CADPS: variants seen among roughly 807,000 people sequenced by gnomAD.
CADPS encodes calcium-dependent secretion activator 1.
A neutral mutation model predicts 167.3 loss-of-function variants in CADPS; 57 were observed. That is an observed-to-expected ratio of 0.34 (90% CI 0.28 to 0.42). CADPS has a LOEUF of 0.42. Ranked by LOEUF, CADPS falls within the 20% of genes least tolerant of loss-of-function variation. CADPS has a pLI of 1.00. For synonymous variants in CADPS, 676 were observed against 635.3 expected, an observed-to-expected ratio of 1.06 and a Z score of -0.96; for missense variants, 1,414 against 1,738.1, an observed-to-expected ratio of 0.81 and a Z score of 3.32.
At chr3:62,506,414 G>A (rs1277405211) in intron 17 of CADPS, among the ~76,000 whole-genome samples, 2 of 151,972 alleles carry the variant, frequency 1.3e-5, no homozygotes, top group Non-Finnish European at 2.9e-5. Flanking sequence ...AACTATTTAA[G>A]ACAATTAAAA....
chr3:62,620,361 C>T (rs926011545), intron 6 of CADPS, among the ~76,000 whole-genome samples: 4 of 152,124 alleles, frequency 2.6e-5, no homozygotes, highest in Non-Finnish European at 5.9e-5. Context: ...AGTTTTTACT[C>T]CCATCTTACA....
At chr3:62,705,709 G>C (rs190484519) in intron 3 of CADPS, among the ~76,000 whole-genome samples, 2 of 152,260 alleles carry the variant, frequency 1.3e-5, no homozygotes, top group Admixed American at 6.5e-5. Context: ...TTGGGACTCA[G>C]ACTGGCTTCC....
At chr3:62,622,250 G>C (rs549520221) in intron 6 of CADPS, among the ~76,000 whole-genome samples, 3 of 152,266 alleles carry the variant, frequency 2.0e-5, no homozygotes, top group African/African-American at 7.2e-5. Flanking sequence ...GGAGTTCAAT[G>C]TCTCTGACTT....
At chr3:62,434,388 C>T (rs917708283) in intron 28 of CADPS, among the ~76,000 whole-genome samples, 3 of 151,792 alleles carry the variant, frequency 2.0e-5, no homozygotes, top group East Asian at 1.9e-4. Context: ...TTCTTAGGTG[C>T]GTTATCAAAA....
rs776799903 is a variant in CADPS, at chr3:62,645,828, C to T, written c.1219G>A (p.Val407Ile). 2 of 1,613,942 alleles carry T rather than the reference C, an allele frequency of 1.2e-6. No homozygotes were observed. Among genetic ancestry groups the T allele is most frequent in the Admixed American group, 1.7e-5 (1 of 59,996 alleles). ...GGAGCCAAAGATTTGAGGCCTTGGA[C>T]TTCCATAATTACCACCTGAAAAGAG... ...SFSLEVVIMEVQGLKSLAPNR... is the reference protein window; with the variant it reads ...SFSLEVVIMEIQGLKSLAPNR... Residue 407 changes from valine (V) to isoleucine (I), a missense_variant, in exon 6 of 30, where the codon GTC becomes ATC. Val to Ile is a conservative substitution (Grantham distance 29, BLOSUM62 3). Transcript: ENST00000383710.
chr3:62,718,315 A>C (rs1165183042), intron 3 of CADPS, among the ~76,000 whole-genome samples: 4 of 152,154 alleles, frequency 2.6e-5, no homozygotes, highest in African/African-American at 4.8e-5. Context: ...TTTTTAAAAA[A>C]ATCTACTCAT....
intron 24 of CADPS, 55 bp downstream of exon 24, chr3:62,474,118 C>G (rs971616776): frequency 1.6e-6 from 2 of 1,227,738 alleles, no homozygotes; most frequent in African/African-American, 3.7e-5. Context: ...AAGTTTTCTT[C>G]TACATGATCA....
chr3:62,778,346 T>G (rs2090822443), intron 1 of CADPS, among the ~76,000 whole-genome samples: 1 of 152,254 alleles, frequency 6.6e-6, no homozygotes, highest in South Asian at 2.1e-4. Context: ...TTTCATTTTT[T>G]AGTAAGTCTA....
chr3:62,588,916 A>G (rs868396561), intron 7 of CADPS, among the ~76,000 whole-genome samples: 2 of 152,212 alleles, frequency 1.3e-5, no homozygotes, highest in Non-Finnish European at 2.9e-5. Flanking sequence ...ATGTGCTTAT[A>G]TACGCTATGT....
chr3:62,734,010 A>G lies in CADPS; in HGVS notation c.888+19431T>C, dbSNP rs1019183557. On this transcript the variant is annotated intron_variant, in intron 3 of 29. Coordinates refer to ENST00000383710, the MANE Select transcript of CADPS (RefSeq NM_003716.4). ...GAGTAGTATTCCATGGTGTATATGT[A>G]CAACATTTTCTTTATCTACTTGTTG... is the stretch of plus-strand genomic sequence containing the variant. Among the ~76,000 whole-genome samples the G allele has an allele frequency of 6.6e-5, 10 of 152,280 alleles. No homozygotes were observed. In the East Asian group the frequency reaches 1.4e-3, roughly 21 times the overall value.
At chr3:62,819,567 G>T (rs1048865097) in intron 1 of CADPS, among the ~76,000 whole-genome samples, 12 of 152,162 alleles carry the variant, frequency 7.9e-5, no homozygotes, top group African/African-American at 2.4e-4. Context: ...GGAATATCCT[G>T]CCTGATAACA....
chr3:62,614,875 T>A (rs1290683432), intron 6 of CADPS, among the ~76,000 whole-genome samples: 1 of 152,168 alleles, frequency 6.6e-6, no homozygotes, highest in Non-Finnish European at 1.5e-5. Context: ...CTTCTCAGCC[T>A]CTCTTTTCTT....
At chr3:62,794,319 C>T (rs909942766) in intron 1 of CADPS, among the ~76,000 whole-genome samples, 3 of 152,180 alleles carry the variant, frequency 2.0e-5, no homozygotes, top group African/African-American at 7.2e-5. Context: ...GTATTTACAT[C>T]AGCATGTATG....
At chr3:62,463,877 T>C (rs1476849557) in intron 26 of CADPS, among the ~76,000 whole-genome samples, 3 of 152,154 alleles carry the variant, frequency 2.0e-5, no homozygotes, top group African/African-American at 7.2e-5. Flanking sequence ...TTGAATTCAA[T>C]CCTCGTACCT....
chr3:62,784,423 C>G (rs1043384315), intron 1 of CADPS, among the ~76,000 whole-genome samples: 1 of 152,008 alleles, frequency 6.6e-6, no homozygotes, highest in African/African-American at 2.4e-5. Context: ...CTTTTTCCAG[C>G]TAATACATGA....
At chr3:62,409,631 C>T (rs1411232638) in intron 28 of CADPS, among the ~76,000 whole-genome samples, 2 of 152,180 alleles carry the variant, frequency 1.3e-5, no homozygotes, top group Non-Finnish European at 2.9e-5. Flanking sequence ...CCCTATCATC[C>T]TACCTCCTCT....
At chr3:62,861,024 A>C (rs56083883) in intron 1 of CADPS, among the ~76,000 whole-genome samples, 2,499 of 152,260 alleles carry the variant, frequency 0.016, 31 homozygotes, top group East Asian at 0.066. Context: ...CAGATTCCAA[A>C]CCAACACCAG....
intron 28 of CADPS, among the ~76,000 whole-genome samples, chr3:62,428,296 C>CTTTT (rs34002756): frequency 0.013 from 825 of 64,582 alleles, 159 homozygotes; most frequent in African/African-American, 0.037. Context: ...GGAAGCAAGA[C>CTTTT]TTTTTTTTTT....
chr3:62,446,203 C>T lies in CADPS; in HGVS notation c.3637-406G>A, dbSNP rs1022540517. 6.6e-6 allele frequency among the ~76,000 whole-genome samples: 1 copy of T among 152,148 alleles called. No individual in the cohort carries two copies. The highest frequency in any genetic ancestry group is 1.5e-5 in the Non-Finnish European group (1 of 68,026). The stretch of plus-strand genomic sequence containing the variant: ...GCTGCAGGTTGTCCTAACTAAATAA[C>T]TAAAAACCTCAGTTCTCAGCTTTCA... On this transcript the variant is annotated intron_variant, in intron 26 of 29. Coordinates refer to ENST00000383710, the MANE Select transcript of CADPS (RefSeq NM_003716.4). This position sits in a 1 kb window ranked among gnomAD's most constrained non-coding sequence, Gnocchi z 4.9.
Sources: allele counts gnomAD v4.1 joint callset (sites outside exome capture counted in the v4.1 genomes callset), GRCh38; gene constraint gnomAD v4.1.1; non-coding constraint Gnocchi (gnomAD v3.1); transcripts MANE v1.5; gene names NCBI Gene and HGNC (gene_info 2026-07-23, HGNC 2026-07-21).